TRERF1: variants seen among roughly 807,000 people sequenced by gnomAD.
The protein encoded by TRERF1 is transcriptional regulating factor 1.
In TRERF1, 27 loss-of-function variants were observed where a neutral mutation model predicts 122.9. The ratio of observed to expected loss-of-function variants is 0.22; its 90% CI spans 0.16 to 0.30. The LOEUF is 0.30. TRERF1 is among the 10% of genes least tolerant of loss of function. The probability of loss-of-function intolerance (pLI) is 1.00; values close to 1 mark genes in which losing one functional copy is unlikely to be tolerated. For synonymous variants in TRERF1, 636 were observed against 641.7 expected (o/e 0.99, Z 0.13); for missense variants, 1,248 against 1,560.3 (o/e 0.80, Z 3.37).
Position 42,374,150 on chromosome 6 carries a change from A to AAAGAAGAAG in TRERF1, c.-453-11080_-453-11072dup, listed in dbSNP as rs762812010. Among the ~76,000 whole-genome samples the AAAGAAGAAG allele has an allele frequency of 1.0e-3, 144 of 144,030 alleles. 3 individuals are homozygous for AAAGAAGAAG. The East Asian group carries it at 0.013, about 13-fold the overall frequency. The allele number at this position is 144,030 out of a possible 152,430, so 94.5% of individuals were successfully genotyped here. ...CTGTCTTTTTTTTAAAAAAAAAAAAAAAGAAGAAGAAGAAGAAGAAGAAGA... is the reference window on the plus strand; with the variant it reads ...CTGTCTTTTTTTTAAAAAAAAAAAAAAAGAAGAAGAAGAAGAAGAAGAAGAAGAAGAAGA... On this transcript the variant is annotated intron_variant, in intron 2 of 17. Transcript: ENST00000372922.
At chr6:42,418,460 G>A (rs1303325429) in intron 2 of TRERF1, among the ~76,000 whole-genome samples, 5 of 151,522 alleles carry the variant, frequency 3.3e-5, no homozygotes, top group African/African-American at 1.2e-4. Flanking sequence ...CAGTAGACAT[G>A]GGGTTTCACC....
chr6:42,307,482 A>C (rs1787473871), intron 3 of TRERF1, among the ~76,000 whole-genome samples: 1 of 152,188 alleles, frequency 6.6e-6, no homozygotes, highest in Non-Finnish European at 1.5e-5. Flanking sequence ...AAATTTTATT[A>C]AAACAGGAGA....
chr6:42,284,231 A>ATTT (rs34764742), intron 4 of TRERF1, among the ~76,000 whole-genome samples: 8 of 139,652 alleles, frequency 5.7e-5, no homozygotes, highest in South Asian at 2.3e-4. Flanking sequence ...ATAATTTTTA[A>ATTT]TTTTTTTTTT....
intron 2 of TRERF1, among the ~76,000 whole-genome samples, chr6:42,400,493 G>T (rs1263025270): frequency 6.6e-6 from 1 of 152,162 alleles, no homozygotes; most frequent in Non-Finnish European, 1.5e-5. Flanking sequence ...GCTTATTGGG[G>T]GTACACCTGG....
At chr6:42,316,815 C>T (rs1187134749) in intron 3 of TRERF1, among the ~76,000 whole-genome samples, 1 of 152,132 alleles carries the variant, frequency 6.6e-6, no homozygotes, top group African/African-American at 2.4e-5. Flanking sequence ...GGATAACCAG[C>T]CATTCCCCTC....
intron 2 of TRERF1, among the ~76,000 whole-genome samples, chr6:42,422,467 G>A (rs12202403): frequency 2.1e-5 from 3 of 141,374 alleles, no homozygotes; most frequent in Admixed American, 1.5e-4. Context: ...GCAGTGAGCC[G>A]AGATCGTGCC....
intron 4 of TRERF1, among the ~76,000 whole-genome samples, chr6:42,270,348 A>G (rs1479751739): frequency 6.6e-6 from 1 of 152,244 alleles, no homozygotes; most frequent in Non-Finnish European, 1.5e-5. Flanking sequence ...ATGGCTCAGT[A>G]GTTCATTGAT....
At chr6:42,243,682 A>C in intron 14 of TRERF1, among the ~76,000 whole-genome samples, 1 of 149,396 alleles carries the variant, frequency 6.7e-6, no homozygotes, top group African/African-American at 2.5e-5. Context: ...CCAGGTTCAC[A>C]CCATTCTCCT....
chr6:42,288,002 T>C (rs1379723992), intron 4 of TRERF1, among the ~76,000 whole-genome samples: 1 of 151,968 alleles, frequency 6.6e-6, no homozygotes. Context: ...ATAATGCTGG[T>C]CCTTCTGCTT....
chr6:42,260,254 G>T (rs115378370), intron 8 of TRERF1, among the ~76,000 whole-genome samples: 1,829 of 152,024 alleles, frequency 0.012, 35 homozygotes, highest in African/African-American at 0.041. Flanking sequence ...TTTCAGCAGG[G>T]GGGGAGAGCC....
chr6:42,356,472 C>T (rs1453254628), intron 3 of TRERF1, among the ~76,000 whole-genome samples: 2 of 152,220 alleles, frequency 1.3e-5, no homozygotes, highest in African/African-American at 4.8e-5. Context: ...CAAGATGGCT[C>T]TCACTCACAA....
intron 2 of TRERF1, among the ~76,000 whole-genome samples, chr6:42,381,157 G>A (rs928671823): frequency 6.6e-6 from 1 of 152,082 alleles, no homozygotes; most frequent in Non-Finnish European, 1.5e-5. Context: ...GGGGCTTCCT[G>A]AGGACAGAGG....
At position 42,344,579 on chromosome 6, in the gene TRERF1, C is replaced by T. The variant is rs566053451; in HGVS notation, c.-371+18418G>A. ...ACAGGAAAATGCTTGAGTGCTCAAGCCCGGGCCATCTTTTCTACCACAAGG... is the reference window on the plus strand; with the variant it reads ...ACAGGAAAATGCTTGAGTGCTCAAGTCCGGGCCATCTTTTCTACCACAAGG... On this transcript the variant is annotated intron_variant, in intron 3 of 17. Coordinates refer to ENST00000372922, the Ensembl canonical transcript of TRERF1. 8.5e-5 allele frequency among the ~76,000 whole-genome samples: 13 copies of T among 152,232 alleles called. No individual in the cohort carries two copies. The East Asian group carries it at 2.3e-3, about 27-fold the overall frequency.
rs75796304 is a variant in TRERF1, at chr6:42,420,693, A to T, written c.-454+30484T>A. ...AAAAGAAAATCTCACCTATAAACAA[A>T]CCTAAATATGTTTAATTAAATCATA... On this transcript the variant is annotated intron_variant, in intron 2 of 17. Coordinates refer to ENST00000372922, the Ensembl canonical transcript of TRERF1. Among the ~76,000 whole-genome samples the T allele has an allele frequency of 8.8e-3, 1,336 of 152,310 alleles. 25 individuals are homozygous for T. Among genetic ancestry groups the T allele is most frequent in the Admixed American group, 0.045 (683 of 15,292 alleles).
chr6:42,360,771 TAAAAAAAA>T (rs55924002), intron 3 of TRERF1, among the ~76,000 whole-genome samples: 13 of 36,420 alleles, frequency 3.6e-4, no homozygotes, highest in South Asian at 1.7e-3. Flanking sequence ...GTGGAGAGAT[TAAAAAAAA>T]AAAAAAAAAA....
At chr6:42,432,280 A>G (rs1784608447) in intron 2 of TRERF1, among the ~76,000 whole-genome samples, 1 of 152,242 alleles carries the variant, frequency 6.6e-6, no homozygotes, top group South Asian at 2.1e-4. Flanking sequence ...TTTCTGAACC[A>G]TCCAAGAGAG....
rs537045053 is a variant in TRERF1 at position 42,230,297 on chromosome 6, T to C, written c.3279-1628A>G. ...TAGGAAAAGCCACAGAAACCATTTG[T>C]ATTTTCCATGAAATCATAACTGGAT... On this transcript the variant is annotated intron_variant, in intron 17 of 17. Coordinates refer to ENST00000372922, the Ensembl canonical transcript of TRERF1. Among the ~76,000 whole-genome samples, 13 of 152,172 alleles carry C rather than the reference T, an allele frequency of 8.5e-5. No homozygotes were observed. In the South Asian group the frequency reaches 2.1e-3, roughly 24 times the overall value.
At chr6:42,398,966 T>TCC (rs1562134905) in intron 2 of TRERF1, among the ~76,000 whole-genome samples, 1 of 152,140 alleles carries the variant, frequency 6.6e-6, no homozygotes, top group Non-Finnish European at 1.5e-5. Flanking sequence ...CAAGCTCTGA[T>TCC]CCAGTGTGTA....
At chr6:42,279,398 G>A (rs371355574) in intron 4 of TRERF1, among the ~76,000 whole-genome samples, 1 of 152,178 alleles carries the variant, frequency 6.6e-6, no homozygotes, top group Non-Finnish European at 1.5e-5. Context: ...GGCAGGGCAG[G>A]GCTGGGAGAA....
Sources: gnomAD v4.1 joint callset for allele counts (sites outside exome capture counted in the v4.1 genomes callset) on GRCh38, gnomAD v4.1.1 for gene constraint, MANE v1.5 for transcripts, NCBI Gene and HGNC (gene_info 2026-07-23, HGNC 2026-07-21) for gene names.